FAM83F: variants seen among roughly 807,000 people sequenced by gnomAD.
FAM83F encodes protein FAM83F.
Under a neutral mutation model 42.9 loss-of-function variants are expected in FAM83F, and 45 were observed. That is an observed-to-expected ratio of 1.05 (90% CI 0.83 to 1.35). The LOEUF (loss-of-function observed/expected upper bound fraction) is 1.35. Among genes scored for constraint, FAM83F ranks in the 40% most tolerant of loss-of-function variants. The probability of loss-of-function intolerance (pLI) is 0.00; values close to 1 mark genes in which losing one functional copy is unlikely to be tolerated. For missense variants in FAM83F, 617 were observed against 695.9 expected, an observed-to-expected ratio of 0.89 and a Z score of 1.28; for synonymous variants, 306 against 298.3, an observed-to-expected ratio of 1.03 and a Z score of -0.27.
intron 1 of FAM83F, among the ~76,000 whole-genome samples, chr22:40,010,859 T>C (rs969256362): frequency 1.3e-4 from 20 of 152,204 alleles, no homozygotes; most frequent in African/African-American, 4.6e-4. Context: ...GTACATTGTG[T>C]TCAAACCCTC....
chr22:39,996,176 C>T (rs530824401), intron 1 of FAM83F, among the ~76,000 whole-genome samples: 15 of 152,146 alleles, frequency 9.9e-5, no homozygotes, highest in Non-Finnish European at 2.2e-4. Context: ...TCACCTGACT[C>T]GGCAGCTCAG....
chr22:40,029,646 C>T lies in FAM83F; in HGVS notation c.*81C>T, dbSNP rs892345708. ...TGTGGAGAGCGCAGGTCGCACACTG[C>T]ACCAGTTTGCACATCAGACGCCAAC... On this transcript the variant is annotated 3_prime_UTR_variant, in exon 5 of 5. Transcript: ENST00000333407. 1.1e-5 allele frequency: 17 copies of T among 1,543,690 alleles called. No homozygotes were observed. The highest frequency in any genetic ancestry group is 1.5e-5 in the Non-Finnish European group (17 of 1,141,660).
chr22:40,008,379 G>A (rs1185236131), intron 1 of FAM83F, among the ~76,000 whole-genome samples: 1 of 152,194 alleles, frequency 6.6e-6, no homozygotes, highest in Admixed American at 6.5e-5. Flanking sequence ...AGAGAAGAGG[G>A]CACCTGCATT....
At chr22:40,007,796 C>T (rs139195463) in intron 1 of FAM83F, among the ~76,000 whole-genome samples, 2 of 152,210 alleles carry the variant, frequency 1.3e-5, no homozygotes, top group East Asian at 1.9e-4. Flanking sequence ...TTTAGTGGTT[C>T]CCACTCTACT....
intron 1 of FAM83F, among the ~76,000 whole-genome samples, chr22:40,003,518 G>A (rs762395218): frequency 1.3e-5 from 2 of 151,216 alleles, no homozygotes; most frequent in African/African-American, 4.9e-5. Flanking sequence ...CCAGGGCTGC[G>A]TCCTAGCTGA....
At chr22:39,998,399 G>A (rs1241744607) in intron 1 of FAM83F, among the ~76,000 whole-genome samples, 1 of 152,166 alleles carries the variant, frequency 6.6e-6, no homozygotes, top group Non-Finnish European at 1.5e-5. Flanking sequence ...GGAAAGTAAG[G>A]TTCAGAAGGA....
rs2145720446 is a variant in FAM83F, at chr22:40,021,570, A to C, written c.1060A>C (p.Asn354His). The C allele has an allele frequency of 6.4e-7, 1 of 1,565,882 alleles. No homozygotes were observed. The highest frequency in any genetic ancestry group is 1.2e-5 in the South Asian group (1 of 85,560). Residue 354 changes from asparagine (N) to histidine (H), a missense_variant, in exon 4 of 5, where the codon AAC (asparagine) becomes CAC (histidine). Asn to His is a moderately conservative substitution (Grantham distance 68, BLOSUM62 1). Coordinates refer to ENST00000333407, the MANE Select transcript of FAM83F (RefSeq NM_138435.4). This position sits in a 1 kb window ranked among gnomAD's most constrained non-coding sequence, Gnocchi z 8.7. ...CCGGCAACAGCGGGAGGCGGGCGGC[A>C]ACCCGGAGGGGCAGGAGGAGGGCGC... ...AARQQREAGGNPEGQEEGASG... is the reference protein window; with the variant it reads ...AARQQREAGGHPEGQEEGASG...
chr22:40,021,171 A>G lies in FAM83F; in HGVS notation c.780-119A>G. On this transcript the variant is annotated intron_variant, in intron 3 of 4. Coordinates refer to ENST00000333407, the MANE Select transcript of FAM83F (RefSeq NM_138435.4). This position sits in a 1 kb window ranked among gnomAD's most constrained non-coding sequence, Gnocchi z 8.7. ...GGAATCAGTCCAGCGTGTGGCCCAC[A>G]AGGAGCCGTACACCTGCAGCAAGGG... is the stretch of plus-strand genomic sequence containing the variant. 1 of 1,191,342 alleles carries G rather than the reference A, an allele frequency of 8.4e-7. No homozygotes were observed. The highest frequency in any genetic ancestry group is 1.1e-6 in the Non-Finnish European group (1 of 883,726). 73.8% of individuals were successfully genotyped at this position (1,191,342 alleles called of 1,614,324 possible). A position where few individuals can be genotyped will look rare whatever the true frequency, so the allele number is the denominator to read the frequency against.
In FAM83F at chr22:40,035,907, A is replaced by G. The variant is rs1028006812; in HGVS notation, c.*6342A>G. ...TCTTCTCTCCTAGATCCTCCCCTTT[A>G]ATTCCCTGTGAAATTTACCACTTTC... On this transcript the variant is annotated 3_prime_UTR_variant, in exon 5 of 5. Transcript: ENST00000333407. 1 of 152,108 alleles carries G rather than the reference A, an allele frequency of 6.6e-6. No homozygotes were observed. The highest frequency in any genetic ancestry group is 1.5e-5 in the Non-Finnish European group (1 of 68,010). 9.4% of individuals were successfully genotyped at this position (152,108 alleles called of 1,614,324 possible). A position where few individuals can be genotyped will look rare whatever the true frequency, so the allele number is the denominator to read the frequency against.
intron 1 of FAM83F, among the ~76,000 whole-genome samples, chr22:39,998,429 C>T (rs1454193002): frequency 6.6e-6 from 1 of 152,020 alleles, no homozygotes; most frequent in Non-Finnish European, 1.5e-5. Context: ...GGCTGCCGTG[C>T]CTACAGTCAC....
intron 4 of FAM83F, among the ~76,000 whole-genome samples, chr22:40,027,909 G>A (rs2145723836): frequency 7.0e-6 from 1 of 142,280 alleles, no homozygotes; most frequent in East Asian, 2.1e-4. Flanking sequence ...TTAACGATCT[G>A]GAGGTTGATT....
At position 40,021,566 on chromosome 22, in the gene FAM83F, C is replaced by A. The variant is rs763939183; in HGVS notation, c.1056C>A (p.Gly352=). ...RWAARQQREA[G]GNPEGQEEGA... ...CTGCCCGGCAACAGCGGGAGGCGGG[C>A]GGCAACCCGGAGGGGCAGGAGGAGG... Residue 352 remains glycine, a synonymous_variant, in exon 4 of 5, where the codon GGC becomes GGA. Coordinates refer to ENST00000333407, the MANE Select transcript of FAM83F (RefSeq NM_138435.4). This position sits in a 1 kb window ranked among gnomAD's most constrained non-coding sequence, Gnocchi z 8.7. 1 of 1,562,478 alleles carries A rather than the reference C, an allele frequency of 6.4e-7. No homozygotes were observed. Among genetic ancestry groups the A allele is most frequent in the African/African-American group, 1.4e-5 (1 of 73,370 alleles).
rs549110199 is a variant in FAM83F, at chr22:39,995,064, T to G, written c.22T>G (p.Cys8Gly). 368 of 1,323,488 alleles carry G rather than the reference T, an allele frequency of 2.8e-4. 1 individual carries two copies. The African/African-American group carries it at 5.3e-3, about 19-fold the overall frequency. 82.0% of individuals were successfully genotyped at this position (1,323,488 alleles called of 1,614,324 possible). The stretch of plus-strand genomic sequence containing the variant: ...CGCCATGGCCGAGTCCCAGCTGAAC[T>G]GCCTGGACGAGGCGCACGTGAACGA... The part of the protein sequence containing the change: MAESQLN[C>G]LDEAHVNEKV... Residue 8 changes from cysteine (C) to glycine (G), a missense_variant, in exon 1 of 5, where the codon TGC (cysteine) becomes GGC (glycine). Coordinates refer to ENST00000333407, the MANE Select transcript of FAM83F (RefSeq NM_138435.4). The surrounding 1 kb of genome is among the most constrained non-coding windows in gnomAD (Gnocchi z 4.6).
rs376384726 is a variant in FAM83F, at chr22:40,019,327, C to T, written c.649C>T (p.Arg217Trp). Reference sequence around the variant, plus strand: ...TCAGGACCTGCAGCTCACTGACTTCCGGATTCGGGTAAGTTGCACCACTGG... The same window carrying T: ...TCAGGACCTGCAGCTCACTGACTTCTGGATTCGGGTAAGTTGCACCACTGG... ...MCQDLQLTDF[R>W]IRNIRVRSVT... Residue 217 changes from arginine (R) to tryptophan (W), a missense_variant, in exon 2 of 5, where the codon CGG becomes TGG. Physicochemically the swap from Arg to Trp is moderately radical, Grantham distance 101 (BLOSUM62 -3). Coordinates refer to ENST00000333407, the MANE Select transcript of FAM83F (RefSeq NM_138435.4). 6.8e-5 allele frequency: 110 copies of T among 1,613,666 alleles called. No individual in the cohort carries two copies. Among genetic ancestry groups the T allele is most frequent in the South Asian group, 1.2e-4 (11 of 91,076 alleles).
chr22:40,039,875 T>A lies in FAM83F; in HGVS notation c.*10310T>A, dbSNP rs2067643882. ...ATCTTGGCCACAAAAAGGTTATAGA[T>A]GAGCTTAGAGAAATGAATTTCAGTA... On this transcript the variant is annotated 3_prime_UTR_variant, in exon 5 of 5. Transcript: ENST00000333407. 6.6e-6 allele frequency: 1 copy of A among 152,220 alleles called. No individual in the cohort carries two copies. Among genetic ancestry groups the A allele is most frequent in the Non-Finnish European group, 1.5e-5 (1 of 68,050 alleles). The allele number at this position is 152,220 out of a possible 1,614,324, so 9.4% of individuals were successfully genotyped here. A position where few individuals can be genotyped will look rare whatever the true frequency, so the allele number is the denominator to read the frequency against.
At position 40,023,046 on chromosome 22, in the gene FAM83F, G is replaced by A. The variant is rs2067530835; in HGVS notation, c.1453+1083G>A. Reference sequence around the variant, plus strand: ...AGTTGGAACAGGCCTGGGCGCCTCTGTGGCTGTGGGCACAGTGGGAGTGTC... The same window carrying A: ...AGTTGGAACAGGCCTGGGCGCCTCTATGGCTGTGGGCACAGTGGGAGTGTC... On this transcript the variant is annotated intron_variant, in intron 4 of 4. Transcript: ENST00000333407. The surrounding 1 kb of genome is among the most constrained non-coding windows in gnomAD (Gnocchi z 4.1). 6.6e-6 allele frequency among the ~76,000 whole-genome samples: 1 copy of A among 152,224 alleles called. No homozygotes were observed. Among genetic ancestry groups the A allele is most frequent in the African/African-American group, 2.4e-5 (1 of 41,458 alleles).
chr22:40,009,255 C>T (rs2067451012), intron 1 of FAM83F, among the ~76,000 whole-genome samples: 1 of 151,828 alleles, frequency 6.6e-6, no homozygotes. Context: ...TGACTGTCAC[C>T]AAAAGGCCCC....
intron 1 of FAM83F, among the ~76,000 whole-genome samples, chr22:40,000,046 G>A (rs147508308): frequency 1.3e-5 from 2 of 152,262 alleles, no homozygotes; most frequent in African/African-American, 2.4e-5. Context: ...TCCGGTACCC[G>A]AACAGTGCTC....
At chr22:40,025,208 C>A (rs898982194) in intron 4 of FAM83F, among the ~76,000 whole-genome samples, 1 of 152,036 alleles carries the variant, frequency 6.6e-6, no homozygotes. Context: ...TCCCTTGAGC[C>A]CAGGAGTTCC....
Sources: gnomAD v4.1 joint callset for allele counts (sites outside exome capture counted in the v4.1 genomes callset) on GRCh38, gnomAD v4.1.1 for gene constraint, Gnocchi (gnomAD v3.1) non-coding constraint, MANE v1.5 for transcripts, NCBI Gene and HGNC (gene_info 2026-07-23, HGNC 2026-07-21) for gene names.